The following TMPRSS11F variants were observed in gnomAD, a reference collection of about 807,000 sequenced individuals.
TMPRSS11F encodes the protein transmembrane serine protease 11F.
TMPRSS11F carries 47 observed loss-of-function variants against 60.2 expected under a neutral mutation model. The observed-to-expected ratio is 0.78, with a 90% CI of 0.62 to 1.00. The LOEUF (loss-of-function observed/expected upper bound fraction) is 1.00, where lower values mean the gene tolerates loss of function less well. TMPRSS11F is among the 50% of genes least tolerant of loss of function. The pLI is 0.00. For synonymous variants in TMPRSS11F, 166 were observed against 167.3 expected, an observed-to-expected ratio of 0.99 and a Z score of 0.06; for missense variants, 519 against 522.9, an observed-to-expected ratio of 0.99 and a Z score of 0.07.
At chr4:68,084,227 C>A (rs965890805) in intron 3 of TMPRSS11F, among the ~76,000 whole-genome samples, 9 of 152,042 alleles carry the variant, frequency 5.9e-5, no homozygotes, top group Non-Finnish European at 1.0e-4. Flanking sequence ...GAGAGAGGAA[C>A]AACTTGCAAA....
At chr4:68,106,043 T>C (rs1724296772) in intron 1 of TMPRSS11F, among the ~76,000 whole-genome samples, 1 of 152,196 alleles carries the variant, frequency 6.6e-6, no homozygotes, top group South Asian at 2.1e-4. Context: ...CCAAATAAAA[T>C]GACATTGTTG....
intron 7 of TMPRSS11F, 31 bp from the exon 8 acceptor site, chr4:68,064,975 T>A (rs1361657424): frequency 1.3e-6 from 2 of 1,584,020 alleles, no homozygotes; most frequent in Admixed American, 1.7e-5. Flanking sequence ...ATACTTGTGA[T>A]GCTTGACTTA....
At chr4:68,125,079 C>T (rs1359624218) in intron 1 of TMPRSS11F, among the ~76,000 whole-genome samples, 2 of 149,982 alleles carry the variant, frequency 1.3e-5, no homozygotes, top group Admixed American at 6.8e-5. Flanking sequence ...AAAACAAGAC[C>T]AGGAAAAGAC....
intron 2 of TMPRSS11F, among the ~76,000 whole-genome samples, chr4:68,098,460 C>T (rs543261937): frequency 5.9e-5 from 9 of 152,022 alleles, no homozygotes; most frequent in Admixed American, 2.0e-4. Flanking sequence ...ATAAAAAAAT[C>T]TGTTTTTTTC....
intron 1 of TMPRSS11F, among the ~76,000 whole-genome samples, chr4:68,118,288 A>AC (rs1257336517): frequency 2.6e-5 from 4 of 152,230 alleles, no homozygotes; most frequent in African/African-American, 9.6e-5. Context: ...ACACATACTT[A>AC]AACATTAATT....
rs1442712585 is a variant in TMPRSS11F at position 68,090,372 on chromosome 4, G to A, written c.282+151C>T. The A allele has an allele frequency of 4.0e-6, 5 of 1,235,274 alleles. No homozygotes were observed. The African/African-American group carries it at 6.2e-5, about 15-fold the overall frequency. The allele number at this position is 1,235,274 out of a possible 1,614,324, so 76.5% of individuals were successfully genotyped here. A position where few individuals can be genotyped will look rare whatever the true frequency, so the allele number is the denominator to read the frequency against. ...ATACTGAATATTTTATACATATTAA[G>A]TAATTTAATCCTCACAACTGTATGA... is the stretch of plus-strand genomic sequence containing the variant. On this transcript the variant is annotated intron_variant, in intron 3 of 9. Coordinates refer to ENST00000356291, the MANE Select transcript of TMPRSS11F (RefSeq NM_207407.2).
intron 8 of TMPRSS11F, among the ~76,000 whole-genome samples, chr4:68,063,972 T>C (rs1392998006): frequency 2.0e-5 from 3 of 152,190 alleles, no homozygotes; most frequent in Non-Finnish European, 4.4e-5. Context: ...ATAAAGTATA[T>C]GTGATTTAAA....
At chr4:68,108,047 G>A (rs1003981366) in intron 1 of TMPRSS11F, among the ~76,000 whole-genome samples, 4 of 152,192 alleles carry the variant, frequency 2.6e-5, no homozygotes, top group Non-Finnish European at 5.9e-5. Flanking sequence ...CAGCGAAGAT[G>A]TGAAAAGTGG....
chr4:68,078,021 C>G (rs1358009924), intron 3 of TMPRSS11F, among the ~76,000 whole-genome samples: 1 of 152,030 alleles, frequency 6.6e-6, no homozygotes, highest in Non-Finnish European at 1.5e-5. Context: ...GCTGGGCTGA[C>G]CTGCCCTGCC....
intron 8 of TMPRSS11F, chr4:68,062,843 A>G (rs761533649): frequency 2.6e-6 from 2 of 772,372 alleles, no homozygotes; most frequent in Non-Finnish European, 4.7e-6. Flanking sequence ...AGTTAACTTA[A>G]CATATGTATT....
At chr4:68,077,453 T>G (rs1723609044) in intron 3 of TMPRSS11F, 1 of 152,204 alleles carries the variant, frequency 6.6e-6, no homozygotes, top group South Asian at 2.1e-4. Flanking sequence ...TGTAAATATC[T>G]CCTCTGCAGC....
chr4:68,062,417 G>A (rs1723203804), intron 8 of TMPRSS11F: 2 of 597,594 alleles, frequency 3.3e-6, no homozygotes, highest in African/African-American at 1.8e-5. Context: ...AGAACTTAAA[G>A]CATTTTGGTA....
chr4:68,114,073 T>C (rs1452971233), intron 1 of TMPRSS11F, among the ~76,000 whole-genome samples: 3 of 152,000 alleles, frequency 2.0e-5, no homozygotes, highest in Non-Finnish European at 4.4e-5. Context: ...AAATATTTTG[T>C]TTTAAATGAA....
chr4:68,065,212 C>T (rs1226650656), intron 7 of TMPRSS11F, among the ~76,000 whole-genome samples: 1 of 152,102 alleles, frequency 6.6e-6, no homozygotes, highest in African/African-American at 2.4e-5. Context: ...TTAATTTCAA[C>T]AAACTGTGTA....
At chr4:68,058,909 A>G (rs1031620975) in intron 9 of TMPRSS11F, among the ~76,000 whole-genome samples, 1 of 152,186 alleles carries the variant, frequency 6.6e-6, no homozygotes. Flanking sequence ...GCTGAAGAGT[A>G]TAGAAGATCA....
intron 3 of TMPRSS11F, among the ~76,000 whole-genome samples, chr4:68,087,605 G>GA (rs35062592): frequency 0.95 from 145,207 of 152,124 alleles, 69,697 homozygotes; most frequent in East Asian, 1. Flanking sequence ...TCTATGTATA[G>GA]AAACAAAGAC....
chr4:68,093,610 C>A (rs1027594125), intron 2 of TMPRSS11F, among the ~76,000 whole-genome samples: 37 of 151,830 alleles, frequency 2.4e-4, no homozygotes, highest in Admixed American at 2.0e-4. Context: ...AGTGAACAGG[C>A]AACCTACAAA....
intron 3 of TMPRSS11F, chr4:68,080,756 T>C (rs1723682615): frequency 6.6e-6 from 1 of 151,586 alleles, no homozygotes; most frequent in Non-Finnish European, 1.5e-5. Context: ...TCTTGATTAA[T>C]AAATTATTTA....
chr4:68,058,742 A>T (rs1723095814), intron 9 of TMPRSS11F, among the ~76,000 whole-genome samples: 1 of 152,234 alleles, frequency 6.6e-6, no homozygotes, highest in African/African-American at 2.4e-5. Context: ...CTAGGGTATA[A>T]CATAGTAAGT....
Sources: allele counts gnomAD v4.1 joint callset (sites outside exome capture counted in the v4.1 genomes callset), GRCh38; gene constraint gnomAD v4.1.1; transcripts MANE v1.5; gene names NCBI Gene and HGNC (gene_info 2026-07-23, HGNC 2026-07-21).